The following MROH1 variants were observed in gnomAD, a reference collection of about 807,000 sequenced individuals.
MROH1 encodes the protein maestro heat like repeat family member 1.
A neutral mutation model predicts 116.5 loss-of-function variants in MROH1; 117 were observed. The ratio of observed to expected loss-of-function variants is 1.00; its 90% CI spans 0.86 to 1.17. MROH1 has a LOEUF of 1.17. Among genes scored for constraint, MROH1 ranks in the 50% most tolerant of loss-of-function variants. MROH1 has a pLI of 0.00. For missense variants in MROH1, 1,873 were observed against 1,338.5 expected (o/e 1.40, Z -6.23); for synonymous variants, 921 against 583.9 (o/e 1.58, Z -8.32).
At chr8:144,189,567 C>T (rs1053473973) in intron 7 of MROH1, among the ~76,000 whole-genome samples, 4 of 149,836 alleles carry the variant, frequency 2.7e-5, no homozygotes, top group African/African-American at 1.0e-4. Flanking sequence ...TGCCCGCTCC[C>T]AGCTCTGCCC....
At chr8:144,240,932 GC>G in intron 20 of MROH1, 59 bp from the exon 21 acceptor site, 1 of 716,000 alleles carries the variant, frequency 1.4e-6, no homozygotes, top group South Asian at 1.5e-5. Context: ...CCCCATGGCA[GC>G]GCTGGGTCTC....
chr8:144,244,365 C>A (rs1184203155), intron 27 of MROH1, 29 bp downstream of exon 27: 1 of 721,686 alleles, frequency 1.4e-6, no homozygotes, highest in Non-Finnish European at 2.6e-6. Flanking sequence ...TGCCTGTGTC[C>A]ACATCCGTGA....
intron 1 of MROH1, among the ~76,000 whole-genome samples, chr8:144,155,638 CTTTTT>C (rs1181004854): frequency 7.9e-6 from 1 of 125,994 alleles, no homozygotes. Context: ...AGGTGTTTTT[CTTTTT>C]TTTTTTTTTT....
intron 4 of MROH1, among the ~76,000 whole-genome samples, chr8:144,169,207 C>T (rs766729831): frequency 4.6e-5 from 7 of 152,208 alleles, no homozygotes; most frequent in Non-Finnish European, 7.3e-5. Context: ...GAGGCTTTTG[C>T]AGTATCAAAA....
rs535111079 is a variant in MROH1, at chr8:144,180,843, C to A, written c.562+320C>A. Among the ~76,000 whole-genome samples the A allele has an allele frequency of 6.6e-5, 10 of 152,112 alleles. No homozygotes were observed. Among genetic ancestry groups the A allele is most frequent in the African/African-American group, 2.4e-4 (10 of 41,418 alleles). On this transcript the variant is annotated intron_variant, in intron 7 of 43. Coordinates refer to ENST00000326134, the MANE Select transcript of MROH1 (RefSeq NM_032450.3). The surrounding 1 kb of genome is among the most constrained non-coding windows in gnomAD (Gnocchi z 7.4). ...TTTTTGTTTTCCTCCCCACTCCAGG[C>A]TAGAAAAGTGTCCGCTCTCTGGGCA...
intron 1 of MROH1, among the ~76,000 whole-genome samples, chr8:144,157,989 C>CTTTTTTTTTTTTT (rs1157662078): frequency 3.4e-5 from 3 of 88,864 alleles, no homozygotes; most frequent in Non-Finnish European, 7.0e-5. Context: ...CTATTTCTTT[C>CTTTTTTTTTTTTT]TTTTTTTTTT....
At chr8:144,167,774 A>G (rs1281114334) in intron 3 of MROH1, among the ~76,000 whole-genome samples, 2 of 152,042 alleles carry the variant, frequency 1.3e-5, no homozygotes, top group African/African-American at 4.8e-5. Context: ...TCCTTCATGT[A>G]TTTCTCACTG....
In MROH1 at chr8:144,179,512, C is replaced by T. The variant is rs766123775; in HGVS notation, c.226C>T (p.Arg76Cys). 13 of 1,613,580 alleles carry T rather than the reference C, an allele frequency of 8.1e-6. No homozygotes were observed. The highest frequency in any genetic ancestry group is 3.3e-5 in the South Asian group (3 of 91,074). ...LRAMERVLSS[R>C]ASELDKDTAS... ...GGCCATGGAGAGGGTCCTGAGCAGT[C>T]GCGCCAGTGAGCTGGACAAGGACAC... The change falls in exon 5 of 44, where the codon CGC becomes TGC. Residue 76 changes from arginine to cysteine, a missense_variant. By Grantham distance (180) the Arg-to-Cys change is radical. Coordinates refer to ENST00000326134, the MANE Select transcript of MROH1 (RefSeq NM_032450.3).
intron 12 of MROH1, chr8:144,213,987 C>A (rs1394648253): frequency 6.6e-6 from 1 of 151,982 alleles, no homozygotes; most frequent in African/African-American, 2.4e-5. Flanking sequence ...AGATGTTCTT[C>A]TTTTTCTTTA....
intron 12 of MROH1, among the ~76,000 whole-genome samples, chr8:144,202,935 C>T (rs1168960954): frequency 1.2e-5 from 1 of 83,202 alleles, no homozygotes; most frequent in Non-Finnish European, 2.3e-5. Flanking sequence ...GAGGAGCGCC[C>T]GCTCTCTGTA....
chr8:144,195,148 T>G (rs1829518613), intron 10 of MROH1, among the ~76,000 whole-genome samples: 1 of 129,420 alleles, frequency 7.7e-6, no homozygotes, highest in Non-Finnish European at 1.6e-5. Flanking sequence ...TGAGCTGTGA[T>G]CACGCCAGTG....
At chr8:144,162,658 A>G (rs1819834172) in intron 2 of MROH1, among the ~76,000 whole-genome samples, 1 of 150,976 alleles carries the variant, frequency 6.6e-6, no homozygotes, top group Non-Finnish European at 1.5e-5. Context: ...CAGCCTCCCA[A>G]AGTGCTGGAA....
Position 144,190,922 on chromosome 8 carries a change from G to A in MROH1, c.701G>A (p.Ser234Asn). The stretch of plus-strand genomic sequence containing the variant: ...GTTCTCTTCCATCAGTGGCTGCAGA[G>A]TCGAGAAGCCAAGGTATGCCCCGTG... The part of the protein sequence containing the change: ...YDVLFHQWLQ[S>N]REAKLRLAVV... Residue 234 changes from serine (S) to asparagine (N), a missense_variant, in exon 8 of 44, where the codon AGT becomes AAT. Coordinates refer to ENST00000326134, the MANE Select transcript of MROH1 (RefSeq NM_032450.3). 1 of 1,613,250 alleles carries A rather than the reference G, an allele frequency of 6.2e-7. No individual in the cohort carries two copies. Among genetic ancestry groups the A allele is most frequent in the Non-Finnish European group, 8.5e-7 (1 of 1,179,824 alleles).
Position 144,239,332 on chromosome 8 carries a change from C to T in MROH1, c.1601C>T (p.Pro534Leu), listed in dbSNP as rs970771433. The T allele has an allele frequency of 6.4e-6, 5 of 780,352 alleles. No homozygotes were observed. Among genetic ancestry groups the T allele is most frequent in the Non-Finnish European group, 1.2e-5 (5 of 417,806 alleles). 48.3% of individuals were successfully genotyped at this position (780,352 alleles called of 1,614,324 possible). A position where few individuals can be genotyped will look rare whatever the true frequency, so the allele number is the denominator to read the frequency against. The change falls in exon 17 of 44, where the codon CCG becomes CTG. Residue 534 changes from proline to leucine, a missense_variant. Coordinates refer to ENST00000326134, the MANE Select transcript of MROH1 (RefSeq NM_032450.3). ...CACCTCTCATCTCCAGCGAGCCTCC[C>T]GTCTCCCTATGCTGTAACCGGAAGA... is the stretch of plus-strand genomic sequence containing the variant. ...LIQYDAHASL[P>L]SPYAVTGRLL...
chr8:144,249,708 C>A (rs960718043), intron 32 of MROH1, among the ~76,000 whole-genome samples: 8 of 152,312 alleles, frequency 5.3e-5, no homozygotes, highest in South Asian at 2.1e-4. Context: ...CACAGCCCCC[C>A]CCAAGTCCCA....
rs1844641718 is a variant in MROH1, at chr8:144,259,762, T to C, written c.4045-149T>C. The C allele has an allele frequency of 2.4e-5, 16 of 679,106 alleles. No homozygotes were observed. The South Asian group carries it at 2.5e-4, about 11-fold the overall frequency. The allele number at this position is 679,106 out of a possible 1,614,324, so 42.1% of individuals were successfully genotyped here. A position where few individuals can be genotyped will look rare whatever the true frequency, so the allele number is the denominator to read the frequency against. ...GCCCCAGCGGCACAACAGGGAGGGGTCGCCACTGATCGGAGACCCAGGGAG... is the reference window on the plus strand; with the variant it reads ...GCCCCAGCGGCACAACAGGGAGGGGCCGCCACTGATCGGAGACCCAGGGAG... On this transcript the variant is annotated intron_variant, in intron 37 of 43. Transcript: ENST00000326134.
chr8:144,165,100 A>G (rs2130904376), intron 3 of MROH1, among the ~76,000 whole-genome samples: 2 of 149,748 alleles, frequency 1.3e-5, no homozygotes, highest in East Asian at 3.9e-4. Context: ...CTGAGATTAC[A>G]GGCATGTGCC....
At chr8:144,218,123 G>A (rs185462359) in intron 12 of MROH1, among the ~76,000 whole-genome samples, 1 of 152,120 alleles carries the variant, frequency 6.6e-6, no homozygotes, top group Non-Finnish European at 1.5e-5. Flanking sequence ...GGAAGCCAGC[G>A]CCCCGTCAGC....
At chr8:144,187,407 C>CT (rs1460078425) in intron 7 of MROH1, among the ~76,000 whole-genome samples, 1 of 151,802 alleles carries the variant, frequency 6.6e-6, no homozygotes, top group African/African-American at 2.4e-5. Context: ...GAGACCCTGT[C>CT]TTAAAAAAAA....
Sources: gnomAD v4.1 joint callset for allele counts (sites outside exome capture counted in the v4.1 genomes callset) on GRCh38, gnomAD v4.1.1 for gene constraint, Gnocchi (gnomAD v3.1) non-coding constraint, MANE v1.5 for transcripts, NCBI Gene and HGNC (gene_info 2026-07-23, HGNC 2026-07-21) for gene names.